Variants in CDC14A observed in about 807,000 individuals in gnomAD.
CDC14A encodes the protein cell division cycle 14A.
In CDC14A, 53 loss-of-function variants were observed where a neutral mutation model predicts 74.4. That is an observed-to-expected ratio of 0.71 (90% CI 0.57 to 0.89). The LOEUF is 0.89. Among genes scored for constraint, CDC14A ranks in the 40% least tolerant of loss-of-function variants. The pLI is 0.00. For missense variants in CDC14A, 646 were observed against 713.7 expected (o/e 0.91, Z 1.08); for synonymous variants, 247 against 258.4 (o/e 0.96, Z 0.43).
In CDC14A at chr1:100,493,641, A is replaced by C. The variant is rs1344927973; in HGVS notation, c.1138-1177A>C. Among the ~76,000 whole-genome samples, 3 of 152,348 alleles carry C rather than the reference A, an allele frequency of 2.0e-5. No individual in the cohort carries two copies. In the East Asian group the frequency reaches 5.8e-4, roughly 29 times the overall value. On this transcript the variant is annotated intron_variant, in intron 11 of 15. Coordinates refer to ENST00000336454, the MANE Select transcript of CDC14A (RefSeq NM_003672.4). ...GTGACTGTTGAGCTGGTATTCTTGC[A>C]CAGGACGACCTTTCCTGGGATCTTG...
chr1:100,403,572 A>T (rs1659553960), intron 4 of CDC14A, among the ~76,000 whole-genome samples: 1 of 152,262 alleles, frequency 6.6e-6, no homozygotes, highest in South Asian at 2.1e-4. Flanking sequence ...ATCAAGATGC[A>T]TACCTGTCTC....
At chr1:100,433,145 G>A (rs1314430635) in intron 5 of CDC14A, among the ~76,000 whole-genome samples, 2 of 152,038 alleles carry the variant, frequency 1.3e-5, no homozygotes, top group Non-Finnish European at 2.9e-5. Flanking sequence ...CTCTCAAAGG[G>A]ATCACAGGTG....
chr1:100,483,385 G>C (rs1213538559), intron 10 of CDC14A, among the ~76,000 whole-genome samples: 2 of 152,154 alleles, frequency 1.3e-5, no homozygotes. Flanking sequence ...ATCTTTGTGA[G>C]AAAGTATTAC....
chr1:100,440,029 A>G (rs1429724420), intron 6 of CDC14A, 31 bp downstream of exon 6: 4 of 1,503,890 alleles, frequency 2.7e-6, no homozygotes, highest in Non-Finnish European at 2.8e-6. Context: ...TGTAGTTGAC[A>G]CAGTAGTTTA....
intron 15 of CDC14A, among the ~76,000 whole-genome samples, chr1:100,516,698 T>C (rs1291818071): frequency 2.6e-5 from 4 of 151,948 alleles, no homozygotes; most frequent in African/African-American, 9.7e-5. Flanking sequence ...TAATTGCGAG[T>C]GTGGTAGCTG....
At position 100,455,478 on chromosome 1, in the gene CDC14A, G is replaced by C. The variant is rs770841698; in HGVS notation, c.593G>C (p.Ser198Thr). ...GCATTTAGTGGACCACATCCTAAAA[G>C]CAAAATTGAGAATGGTAGGTTTTTT... ...FLAFSGPHPK[S>T]KIENGYPLHA... Residue 198 changes from serine (S) to threonine (T), a missense_variant, in exon 8 of 16, where the codon AGC becomes ACC. Ser to Thr is a moderately conservative substitution (Grantham distance 58). Coordinates refer to ENST00000336454, the MANE Select transcript of CDC14A (RefSeq NM_003672.4). 3 of 1,583,200 alleles carry C rather than the reference G, an allele frequency of 1.9e-6. No individual in the cohort carries two copies. The highest frequency in any genetic ancestry group is 1.8e-5 in the Admixed American group (1 of 54,288).
At position 100,498,080 on chromosome 1, in the gene CDC14A, CA is replaced by C; in HGVS notation, c.1299-2del. On this transcript the variant is annotated splice_polypyrimidine_tract_variant and splice_region_variant and intron_variant, in intron 13 of 15. Coordinates refer to ENST00000336454, the MANE Select transcript of CDC14A (RefSeq NM_003672.4). ...TGTGACACTTTGCCATTTTTCTCCG[CA>C]AAGATTAAGTTCATCCCTGCAAGGA... The C allele has an allele frequency of 6.2e-7, 1 of 1,606,714 alleles. No individual in the cohort carries two copies. The highest frequency in any genetic ancestry group is 8.5e-7 in the Non-Finnish European group (1 of 1,177,940).
intron 7 of CDC14A, among the ~76,000 whole-genome samples, chr1:100,449,495 G>A (rs1035833269): frequency 2.0e-5 from 3 of 152,094 alleles, no homozygotes; most frequent in African/African-American, 4.8e-5. Flanking sequence ...CCAAATCCAC[G>A]CAGCTTACCC....
intron 6 of CDC14A, among the ~76,000 whole-genome samples, 182 bp downstream of exon 6, chr1:100,440,180 G>C (rs1381406034): frequency 6.6e-6 from 1 of 152,216 alleles, no homozygotes; most frequent in Admixed American, 6.5e-5. Context: ...ACTGGGAGGA[G>C]GGAGTGGCAG....
intron 4 of CDC14A, among the ~76,000 whole-genome samples, chr1:100,398,771 T>C (rs901009322): frequency 6.6e-6 from 1 of 152,176 alleles, no homozygotes; most frequent in African/African-American, 2.4e-5. Context: ...TAACAGGCCT[T>C]GTTCCTGGAG....
At chr1:100,473,853 C>T (rs1335340574) in intron 10 of CDC14A, among the ~76,000 whole-genome samples, 1 of 152,018 alleles carries the variant, frequency 6.6e-6, no homozygotes, top group Non-Finnish European at 1.5e-5. Flanking sequence ...CTTTTCTTCC[C>T]TTGTTGGACA....
At chr1:100,408,918 G>A (rs1660306410) in intron 4 of CDC14A, among the ~76,000 whole-genome samples, 1 of 152,152 alleles carries the variant, frequency 6.6e-6, no homozygotes, top group Non-Finnish European at 1.5e-5. Context: ...TCATCCTACA[G>A]TGGTATGGAA....
rs186755353 is a variant in CDC14A, at chr1:100,511,123, A to C, written c.1756-7128A>C. Among the ~76,000 whole-genome samples, 5 of 152,254 alleles carry C rather than the reference A, an allele frequency of 3.3e-5. No homozygotes were observed. The East Asian group carries it at 7.7e-4, about 24-fold the overall frequency. On this transcript the variant is annotated intron_variant, in intron 15 of 15. Coordinates refer to ENST00000336454, the MANE Select transcript of CDC14A (RefSeq NM_003672.4). ...CCAGAATCTTTCATGAAGTTGCCCTAACCACTTCCTTCTCCTTTTGTATCT... is the reference window on the plus strand; with the variant it reads ...CCAGAATCTTTCATGAAGTTGCCCTCACCACTTCCTTCTCCTTTTGTATCT...
At chr1:100,391,752 A>G (rs989017431) in intron 4 of CDC14A, among the ~76,000 whole-genome samples, 1 of 152,218 alleles carries the variant, frequency 6.6e-6, no homozygotes, top group Non-Finnish European at 1.5e-5. Context: ...TCTAGGGGAA[A>G]AAGCCCAGCA....
chr1:100,393,772 G>A (rs1433429935), intron 4 of CDC14A: 10 of 307,154 alleles, frequency 3.3e-5, no homozygotes, highest in Non-Finnish European at 5.7e-5. Flanking sequence ...TGACCAACAT[G>A]TCTCTACTAA....
chr1:100,508,673 C>G lies in CDC14A; in HGVS notation c.1755+9411C>G, dbSNP rs569770143. On this transcript the variant is annotated intron_variant, in intron 15 of 15. Coordinates refer to ENST00000336454, the MANE Select transcript of CDC14A (RefSeq NM_003672.4). This position sits in a 1 kb window ranked among gnomAD's most constrained non-coding sequence, Gnocchi z 4.4. ...ATGTGGCTCCATCTCAGCCCTGGCC[C>G]GAGGGCAATGGTCCCAATTTCTCTC... is the stretch of plus-strand genomic sequence containing the variant. Among the ~76,000 whole-genome samples, 2 of 152,140 alleles carry G rather than the reference C, an allele frequency of 1.3e-5. No homozygotes were observed. Among genetic ancestry groups the G allele is most frequent in the Admixed American group, 1.3e-4 (2 of 15,272 alleles).
chr1:100,475,952 G>GT (rs1220841454), intron 10 of CDC14A, among the ~76,000 whole-genome samples: 2 of 152,146 alleles, frequency 1.3e-5, no homozygotes, highest in African/African-American at 4.8e-5. Context: ...TTGACAAAGG[G>GT]TAAAGGGGTG....
chr1:100,363,930 A>G (rs1009375174), intron 2 of CDC14A, among the ~76,000 whole-genome samples: 1 of 152,146 alleles, frequency 6.6e-6, no homozygotes, highest in Admixed American at 6.5e-5. Context: ...CAAGGTGGGC[A>G]GATTGCTCGA....
chr1:100,397,717 T>G (rs1343326918), intron 4 of CDC14A, among the ~76,000 whole-genome samples: 1 of 152,194 alleles, frequency 6.6e-6, no homozygotes, highest in African/African-American at 2.4e-5. Context: ...GGAGGATGCT[T>G]AAACAGAGGT....
Sources: allele counts gnomAD v4.1 joint callset (sites outside exome capture counted in the v4.1 genomes callset), GRCh38; gene constraint gnomAD v4.1.1; non-coding constraint Gnocchi (gnomAD v3.1); transcripts MANE v1.5; gene names NCBI Gene and HGNC (gene_info 2026-07-23, HGNC 2026-07-21).